ATP5PO: variants seen among roughly 807,000 people sequenced by gnomAD.
The protein encoded by ATP5PO is ATP synthase peripheral stalk subunit OSCP.
ATP5PO carries 14 observed loss-of-function variants against 26.2 expected under a neutral mutation model. The ratio of observed to expected loss-of-function variants is 0.53; its 90% CI spans 0.35 to 0.83. The LOEUF (loss-of-function observed/expected upper bound fraction) is 0.83. Among genes scored for constraint, ATP5PO ranks in the 40% least tolerant of loss-of-function variants. ATP5PO has a pLI of 0.01. For synonymous variants in ATP5PO, 106 were observed against 95.1 expected, an observed-to-expected ratio of 1.12 and a Z score of -0.67; for missense variants, 241 against 258.5, an observed-to-expected ratio of 0.93 and a Z score of 0.46.
At chr21:33,906,162 CT>C (rs1987169820) in intron 5 of ATP5PO, among the ~76,000 whole-genome samples, 2 of 152,054 alleles carry the variant, frequency 1.3e-5, no homozygotes, top group South Asian at 2.1e-4. Context: ...GTATGATGTG[CT>C]AGGATGCCTC....
chr21:33,903,654 A>T lies in ATP5PO; in HGVS notation c.529-15T>A. The T allele has an allele frequency of 6.2e-7, 1 of 1,612,516 alleles. No homozygotes were observed. Among genetic ancestry groups the T allele is most frequent in the South Asian group, 1.1e-5 (1 of 91,018 alleles). Reference sequence around the variant, plus strand: ...GACGGATCAGTCTACAAAAGAAGTAAGACTGGAAATGTGAAAACGCGCTAA... The same window carrying T: ...GACGGATCAGTCTACAAAAGAAGTATGACTGGAAATGTGAAAACGCGCTAA... On this transcript the variant is annotated splice_polypyrimidine_tract_variant and intron_variant, in intron 6 of 6. Coordinates refer to ENST00000290299, the MANE Select transcript of ATP5PO (RefSeq NM_001697.3).
intron 1 of ATP5PO, 79 bp from the exon 2 acceptor site, chr21:33,914,579 T>C (rs193208543): frequency 4.5e-6 from 6 of 1,341,954 alleles, no homozygotes; most frequent in Non-Finnish European, 6.3e-6. Context: ...CAACAAAAAA[T>C]TTTAAATAAC....
chr21:33,915,643 G>T, intron 1 of ATP5PO, 85 bp downstream of exon 1: 2 of 1,519,764 alleles, frequency 1.3e-6, no homozygotes. Context: ...CCCAGCCGAA[G>T]CATCGCACCC....
At chr21:33,907,550 G>T in intron 4 of ATP5PO, 97 bp from the exon 5 acceptor site, 1 of 1,025,360 alleles carries the variant, frequency 9.8e-7, no homozygotes, top group Non-Finnish European at 1.5e-6. Flanking sequence ...TAGATTTGTG[G>T]CCTTAAAACA....
At chr21:33,909,009 C>T (rs554406591) in intron 4 of ATP5PO, 73 bp downstream of exon 4, 23 of 1,444,814 alleles carry the variant, frequency 1.6e-5, no homozygotes, top group African/African-American at 4.3e-5. Flanking sequence ...ATGCTGATGC[C>T]GCCCACAGTC....
chr21:33,912,456 T>C (rs755117600), intron 2 of ATP5PO, 57 bp from the exon 3 acceptor site: 1 of 1,211,446 alleles, frequency 8.3e-7, no homozygotes, highest in Non-Finnish European at 1.2e-6. Context: ...GTTAATAGTA[T>C]ACTCTCAAGA....
intron 2 of ATP5PO, among the ~76,000 whole-genome samples, chr21:33,914,232 A>C (rs1195720796): frequency 1.3e-5 from 2 of 152,170 alleles, no homozygotes; most frequent in Non-Finnish European, 2.9e-5. Flanking sequence ...AATGATTAAA[A>C]AGTTTTCATA....
chr21:33,912,451 T>C (rs1276989979), intron 2 of ATP5PO, 52 bp from the exon 3 acceptor site: 2 of 1,284,046 alleles, frequency 1.6e-6, no homozygotes, highest in East Asian at 2.3e-5. Flanking sequence ...AATCAGTTAA[T>C]AGTATACTCT....
chr21:33,906,972 A>T, intron 5 of ATP5PO: 1 of 342,224 alleles, frequency 2.9e-6, no homozygotes, highest in Non-Finnish European at 5.7e-6. Flanking sequence ...CTGGGTGACA[A>T]AGTGAGACTC....
chr21:33,915,626 A>C (rs1206548559), intron 1 of ATP5PO, 102 bp downstream of exon 1: 46 of 1,491,230 alleles, frequency 3.1e-5, no homozygotes, highest in Non-Finnish European at 4.1e-5. Flanking sequence ...GAAGACTGCC[A>C]GACTTCCCCA....
chr21:33,905,255 C>T (rs1415270781), intron 5 of ATP5PO, among the ~76,000 whole-genome samples: 1 of 151,878 alleles, frequency 6.6e-6, no homozygotes, highest in Non-Finnish European at 1.5e-5. Flanking sequence ...ATATACATAC[C>T]CTCCACTGAG....
In ATP5PO at chr21:33,909,230, A is replaced by T; in HGVS notation, c.199-19T>A. On this transcript the variant is annotated intron_variant, in intron 3 of 6. Transcript: ENST00000290299. ...GGATTTGCTGAAAGCATCAAAAAAT[A>T]ATTTCTTAAATTTTTTAGAGCACAA... 6.2e-7 allele frequency: 1 copy of T among 1,603,432 alleles called. No individual in the cohort carries two copies. The highest frequency in any genetic ancestry group is 8.5e-7 in the Non-Finnish European group (1 of 1,176,138).
intron 4 of ATP5PO, chr21:33,908,765 G>A (rs1238465751): frequency 8.7e-6 from 2 of 230,790 alleles, no homozygotes; most frequent in Middle Eastern, 1.5e-3. Flanking sequence ...CAAGGATCAA[G>A]GTATAGCCAC....
chr21:33,915,792 C>T lies in ATP5PO; in HGVS notation c.-29G>A. 1.9e-6 allele frequency: 3 copies of T among 1,557,758 alleles called. No individual in the cohort carries two copies. The highest frequency in any genetic ancestry group is 2.6e-6 in the Non-Finnish European group (3 of 1,152,580). ...CTCCCGGGCGGCTGTAGGTCAAACC[C>T]GAGTGGGAAGAGAGAAACGCGCAAG... On this transcript the variant is annotated 5_prime_UTR_variant, in exon 1 of 7. Coordinates refer to ENST00000290299, the MANE Select transcript of ATP5PO (RefSeq NM_001697.3).
At position 33,903,968 on chromosome 21, in the gene ATP5PO, T is replaced by C; in HGVS notation, c.495A>G (p.Leu165=). 6.2e-7 allele frequency: 1 copy of C among 1,613,578 alleles called. No individual in the cohort carries two copies. ...SELKTVLKSF[L]SQGQVLKLEA... ...CCAATTTCAATACTTGGCCTTGACT[T>C]AGGAAGCTCTTGAGGACAGTTTTTA... Residue 165 remains leucine (L), a synonymous_variant, in exon 6 of 7, where the codon CTA becomes CTG. Transcript: ENST00000290299.
In ATP5PO at chr21:33,912,933, C is replaced by T. The variant is rs568558227; in HGVS notation, c.88-534G>A. On this transcript the variant is annotated intron_variant, in intron 2 of 6. Transcript: ENST00000290299. ...AGCCCTTTGGCAGTTTACAAAAAAA[C>T]CTGATGCTTGAATTATTTTTCACAA... is the stretch of plus-strand genomic sequence containing the variant. Among the ~76,000 whole-genome samples, 5 of 152,324 alleles carry T rather than the reference C, an allele frequency of 3.3e-5. 1 individual carries two copies. The South Asian group carries it at 1.0e-3, about 32-fold the overall frequency.
intron 6 of ATP5PO, 53 bp downstream of exon 6, chr21:33,903,881 AT>A: frequency 6.7e-7 from 1 of 1,494,280 alleles, no homozygotes. Context: ...TTCTGTAGCC[AT>A]TTTAAGCTTA....
intron 1 of ATP5PO, chr21:33,914,711 T>G: frequency 1.9e-6 from 1 of 514,190 alleles, no homozygotes; most frequent in Non-Finnish European, 3.4e-6. Context: ...GGAAATCACC[T>G]TCCCACGAAC....
intron 5 of ATP5PO, 32 bp from the exon 6 acceptor site, chr21:33,904,053 T>A (rs1987137526): frequency 6.4e-7 from 1 of 1,568,086 alleles, no homozygotes; most frequent in Admixed American, 1.8e-5. Flanking sequence ...TCAATTTAGA[T>A]AAAGCAAAAC....
Sources: allele counts gnomAD v4.1 joint callset (sites outside exome capture counted in the v4.1 genomes callset), GRCh38; gene constraint gnomAD v4.1.1; transcripts MANE v1.5; gene names NCBI Gene and HGNC (gene_info 2026-07-23, HGNC 2026-07-21).